FAT2: variants seen among roughly 807,000 people sequenced by gnomAD.
FAT2 encodes FAT atypical cadherin 2.
Under a neutral mutation model 295.3 loss-of-function variants are expected in FAT2, and 150 were observed. The observed-to-expected ratio is 0.51, with a 90% CI of 0.44 to 0.58. FAT2 has a LOEUF of 0.58. Ranked by LOEUF, FAT2 falls within the 20% of genes least tolerant of loss-of-function variation. The probability of loss-of-function intolerance (pLI) is 0.00; values close to 1 mark genes in which losing one functional copy is unlikely to be tolerated. For missense variants in FAT2, 4,868 were observed against 5,442.7 expected (o/e 0.89, Z 3.32); for synonymous variants, 2,026 against 2,150.3 (o/e 0.94, Z 1.60).
Position 151,568,431 on chromosome 5 carries a change from G to T in FAT2, c.501C>A (p.Ile167=). ...ISEDMPLKSP[I]CKVTATDADL... ...CAGCATCTGTGGCAGTCACCTTGCA[G>T]ATGGGGCTCTTCAGGGGCATGTCCT... Residue 167 remains isoleucine, a synonymous_variant, in exon 2 of 24, where the codon ATC becomes ATA. Coordinates refer to ENST00000261800, the MANE Select transcript of FAT2 (RefSeq NM_001447.3). 1 of 1,614,238 alleles carries T rather than the reference G, an allele frequency of 6.2e-7. No individual in the cohort carries two copies. Among genetic ancestry groups the T allele is most frequent in the Non-Finnish European group, 8.5e-7 (1 of 1,180,050 alleles).
intron 5 of FAT2, 64 bp from the exon 6 acceptor site, chr5:151,553,451 A>G (rs2127628346): frequency 6.8e-7 from 1 of 1,459,856 alleles, no homozygotes. Flanking sequence ...CCAAGCAGCC[A>G]GGACAGGAAC....
intron 18 of FAT2, among the ~76,000 whole-genome samples, chr5:151,522,396 G>A (rs1022961149): frequency 1.3e-5 from 2 of 152,206 alleles, no homozygotes; most frequent in East Asian, 3.9e-4. Flanking sequence ...CATAGACTTG[G>A]GCTAACTTCC....
chr5:151,581,042 G>T (rs1758936042), intron 1 of FAT2, among the ~76,000 whole-genome samples: 1 of 152,182 alleles, frequency 6.6e-6, no homozygotes, highest in Non-Finnish European at 1.5e-5. Context: ...GGTTCTGCCT[G>T]TAACTCAGGC....
At chr5:151,584,149 C>A (rs1490796549) in intron 1 of FAT2, among the ~76,000 whole-genome samples, 3 of 151,886 alleles carry the variant, frequency 2.0e-5, no homozygotes, top group East Asian at 3.9e-4. Context: ...GGATCTTGGA[C>A]CCTTCCTGCC....
rs1171358301 is a variant in FAT2 at position 151,553,235 on chromosome 5, G to A, written c.4098C>T (p.His1366=). The change falls in exon 6 of 24, where the codon CAC becomes CAT. Residue 1366 remains histidine, a synonymous_variant. Transcript: ENST00000261800. ...CCTCTACGCTGATGACCCCCACCATGTGGTTCACAGGGTCCGTCTCCATGA... is the reference window on the plus strand; with the variant it reads ...CCTCTACGCTGATGACCCCCACCATATGGTTCACAGGGTCCGTCTCCATGA... ...FTVMETDPVN[H]MVGVISVEGR... is the part of the protein sequence containing the mutation. The A allele has an allele frequency of 4.3e-6, 7 of 1,614,274 alleles. No individual in the cohort carries two copies. Among genetic ancestry groups the A allele is most frequent in the Non-Finnish European group, 5.9e-6 (7 of 1,180,054 alleles).
rs781258533 is a variant in FAT2 at position 151,529,376 on chromosome 5, G to A, written c.9828C>T (p.Asn3276=). The change falls in exon 15 of 24, where the codon AAC becomes AAT. Residue 3276 remains asparagine, a synonymous_variant. Transcript: ENST00000261800. ...GGCTTGTCTCAAAGTCCAGGCTTGC[G>A]TTGACATACAGGATCCCTGAAGAAG... ...LDARTGILYV[N]ASLDFETSPK... 9.2e-5 allele frequency: 148 copies of A among 1,613,714 alleles called. No homozygotes were observed. Among genetic ancestry groups the A allele is most frequent in the East Asian group, 1.1e-4 (5 of 44,874 alleles).
Position 151,567,805 on chromosome 5 carries a change from G to T in FAT2, c.1127C>A (p.Pro376His). 1 of 1,614,184 alleles carries T rather than the reference G, an allele frequency of 6.2e-7. No individual in the cohort carries two copies. Among genetic ancestry groups the T allele is most frequent in the Non-Finnish European group, 8.5e-7 (1 of 1,180,032 alleles). Residue 376 changes from proline to histidine, a missense_variant, in exon 2 of 24, where the codon CCT becomes CAT. Coordinates refer to ENST00000261800, the MANE Select transcript of FAT2 (RefSeq NM_001447.3). ...VYRVQLSEFS[P>H]PGSRVVMVRV... ...CACCATCACCACGCGGCTGCCAGGA[G>T]GGGAAAACTCACTAAGCTGCACTCT...
At position 151,510,063 on chromosome 5, in the gene FAT2, T is replaced by C. The variant is rs756853760; in HGVS notation, c.12017A>G (p.Lys4006Arg). The C allele has an allele frequency of 8.7e-6, 14 of 1,613,970 alleles. No individual in the cohort carries two copies. Among genetic ancestry groups the C allele is most frequent in the Admixed American group, 3.3e-5 (2 of 59,990 alleles). Residue 4006 changes from lysine to arginine, a missense_variant, in exon 22 of 24, where the codon AAA (lysine) becomes AGA (arginine). Lys to Arg is a conservative substitution (Grantham distance 26). Coordinates refer to ENST00000261800, the MANE Select transcript of FAT2 (RefSeq NM_001447.3). ...LEGGTCILSP[K>R]GASCNCPHPY... ...ATGAGGGCAGTTACAGGAAGCTCCT[T>C]TGGGGGAGAGGATGCAAGTTCCACC...
At chr5:151,514,942 A>G (rs978400276) in intron 20 of FAT2, among the ~76,000 whole-genome samples, 4 of 152,078 alleles carry the variant, frequency 2.6e-5, no homozygotes, top group Non-Finnish European at 2.9e-5. Context: ...TCTAATCTTT[A>G]TTTTCAAAAA....
At position 151,556,331 on chromosome 5, in the gene FAT2, C is replaced by G. The variant is rs1224070942; in HGVS notation, c.3633+13G>C. On this transcript the variant is annotated intron_variant, in intron 4 of 23. Transcript: ENST00000261800. ...CACAAATCACCACAAATGGATTCAC[C>G]ACCATTACTTACCTCCAGGATGTGT... is the stretch of plus-strand genomic sequence containing the variant. 6.2e-7 allele frequency: 1 copy of G among 1,611,614 alleles called. No homozygotes were observed. Among genetic ancestry groups the G allele is most frequent in the Admixed American group, 1.7e-5 (1 of 60,018 alleles).
Position 151,567,302 on chromosome 5 carries a change from G to A in FAT2, c.1630C>T (p.Arg544Trp), listed in dbSNP as rs371421129. Reference sequence around the variant, plus strand: ...AGAAAAATGGACACTTCCTTCTCCCGGCGAAAAGGGGATCCCCAGTCTGAT... The same window carrying A: ...AGAAAAATGGACACTTCCTTCTCCCAGCGAAAAGGGGATCCCCAGTCTGAT... ...RASDWGSPFR[R>W]EKEVSIFLQL... The change falls in exon 2 of 24, where the codon CGG becomes TGG. Residue 544 changes from arginine to tryptophan, a missense_variant. By Grantham distance (101) the Arg-to-Trp change is moderately radical. Coordinates refer to ENST00000261800, the MANE Select transcript of FAT2 (RefSeq NM_001447.3). The A allele has an allele frequency of 5.2e-5, 84 of 1,613,948 alleles. No homozygotes were observed. The highest frequency in any genetic ancestry group is 2.0e-4 in the Admixed American group (12 of 59,998).
chr5:151,566,474 A>G lies in FAT2; in HGVS notation c.2458T>C (p.Phe820Leu). 6.2e-7 allele frequency: 1 copy of G among 1,613,678 alleles called. No homozygotes were observed. The highest frequency in any genetic ancestry group is 8.5e-7 in the Non-Finnish European group (1 of 1,179,846). ...GTTAACTGGTACCCACCGGGAGGAA[A>G]TCTGGGTGCGTTGTCATTCCAGTCT... Reference protein sequence around the residue: ...VKDWNDNAPRFPPGGYQLTIS... With the variant: ...VKDWNDNAPRLPPGGYQLTIS... The change falls in exon 2 of 24, where the codon TTT becomes CTT. Residue 820 changes from phenylalanine (F) to leucine (L), a missense_variant. By Grantham distance (22) the Phe-to-Leu change is conservative. Coordinates refer to ENST00000261800, the MANE Select transcript of FAT2 (RefSeq NM_001447.3).
At chr5:151,537,720 A>C in intron 12 of FAT2, 73 bp downstream of exon 12, 1 of 1,433,686 alleles carries the variant, frequency 7.0e-7, no homozygotes, top group Non-Finnish European at 9.5e-7. Context: ...CTCCAAGGAG[A>C]ATACCATGGC....
In FAT2 at chr5:151,565,992, C is replaced by T. The variant is rs141484570; in HGVS notation, c.2940G>A (p.Ala980=). Reference sequence around the variant, plus strand: ...AGTCCAGCTCTCTCTCCAGAATGAGCGCCCCTGTCATCAGGTCCACCCGGA... The same window carrying T: ...AGTCCAGCTCTCTCTCCAGAATGAGTGCCCCTGTCATCAGGTCCACCCGGA... ...GTFRVDLMTG[A]LILERELDFE... The change falls in exon 2 of 24, where the codon GCG becomes GCA. Residue 980 remains alanine, a synonymous_variant. Coordinates refer to ENST00000261800, the MANE Select transcript of FAT2 (RefSeq NM_001447.3). The T allele has an allele frequency of 1.4e-5, 22 of 1,613,968 alleles. No individual in the cohort carries two copies. The highest frequency in any genetic ancestry group is 2.7e-5 in the African/African-American group (2 of 74,916).
chr5:151,545,019 A>G lies in FAT2; in HGVS notation c.6108T>C (p.His2036=). ...TGTCCCTCACTTCCACTGCCAACTCATGAGTGTCCTGCTGCTCCCGGTCAA... is the reference window on the plus strand; with the variant it reads ...TGTCCCTCACTTCCACTGCCAACTCGTGAGTGTCCTGCTGCTCCCGGTCAA... ...VAFDREQQDT[H]ELAVEVRDNR... The change falls in exon 10 of 24, where the codon CAT becomes CAC. Residue 2036 remains histidine (H), a synonymous_variant. Transcript: ENST00000261800. 6.2e-7 allele frequency: 1 copy of G among 1,614,076 alleles called. No homozygotes were observed. The highest frequency in any genetic ancestry group is 8.5e-7 in the Non-Finnish European group (1 of 1,179,948).
In FAT2 at chr5:151,507,630, CAG is replaced by C. The variant is rs752136554; in HGVS notation, c.12060-21_12060-20del. ...TTCACACCTGCGGAGACAGAGTAGT[CAG>C]GGGGCCAAGTCATGAAATTGCCCTT... is the stretch of plus-strand genomic sequence containing the variant. On this transcript the variant is annotated intron_variant, in intron 22 of 23. Transcript: ENST00000261800. The C allele has an allele frequency of 6.2e-5, 86 of 1,389,166 alleles. No individual in the cohort carries two copies. Among genetic ancestry groups the C allele is most frequent in the Non-Finnish European group, 8.2e-5 (84 of 1,022,922 alleles). The allele number at this position is 1,389,166 out of a possible 1,614,324, so 86.1% of individuals were successfully genotyped here. A position where few individuals can be genotyped will look rare whatever the true frequency, so the allele number is the denominator to read the frequency against.
At chr5:151,573,483 G>A (rs897736520) in intron 1 of FAT2, among the ~76,000 whole-genome samples, 4 of 152,154 alleles carry the variant, frequency 2.6e-5, no homozygotes, top group South Asian at 4.2e-4. Flanking sequence ...GTGAAACTCC[G>A]TCTCTACTAA....
At chr5:151,527,415 A>G (rs1416541410) in intron 16 of FAT2, 38 bp from the exon 17 acceptor site, 7 of 1,547,688 alleles carry the variant, frequency 4.5e-6, no homozygotes, top group Non-Finnish European at 6.1e-6. Context: ...GCAATGAGGT[A>G]GCTGTCCCTC....
chr5:151,570,584 G>A (rs1581459048), intron 1 of FAT2, among the ~76,000 whole-genome samples: 1 of 152,238 alleles, frequency 6.6e-6, no homozygotes, highest in Non-Finnish European at 1.5e-5. Flanking sequence ...CAGGGCCAAG[G>A]ATGGGGCAAG....
Sources: gnomAD v4.1 joint callset for allele counts (sites outside exome capture counted in the v4.1 genomes callset) on GRCh38, gnomAD v4.1.1 for gene constraint, MANE v1.5 for transcripts, NCBI Gene and HGNC (gene_info 2026-07-23, HGNC 2026-07-21) for gene names.